The following DOK5 variants were observed in gnomAD, a reference collection of about 807,000 sequenced individuals.
DOK5 encodes the protein downstream of tyrosine kinase 5.
A neutral mutation model predicts 43.3 loss-of-function variants in DOK5; 27 were observed. The ratio of observed to expected loss-of-function variants is 0.62; its 90% confidence interval spans 0.46 to 0.86. The LOEUF is 0.86. Among genes scored for constraint, DOK5 ranks in the 40% least tolerant of loss-of-function variants. The probability of loss-of-function intolerance (pLI) is 0.00; values close to 1 mark genes in which losing one functional copy is unlikely to be tolerated. For missense variants in DOK5, 373 were observed against 392.9 expected (o/e 0.95, Z 0.43); for synonymous variants, 146 against 140.1 (o/e 1.04, Z -0.30).
intron 1 of DOK5, among the ~76,000 whole-genome samples, chr20:54,494,454 C>T (rs909766215): frequency 1.3e-5 from 2 of 152,146 alleles, no homozygotes; most frequent in African/African-American, 4.8e-5. Context: ...TCCCAGATCT[C>T]CATCCCTGTC....
chr20:54,637,877 C>A (rs1228396669), intron 6 of DOK5, among the ~76,000 whole-genome samples: 2 of 152,196 alleles, frequency 1.3e-5, no homozygotes, highest in African/African-American at 4.8e-5. Flanking sequence ...AATCCCAGCA[C>A]TTTGGGAGGC....
In DOK5 at chr20:54,618,843, C is replaced by T. The variant is rs115803135; in HGVS notation, c.735+8320C>T. On this transcript the variant is annotated intron_variant, in intron 6 of 7. Transcript: ENST00000262593. ...GACCAACCTGGGAAACATAGGGAGA[C>T]CCCATCTCTAGAAATATTTAAAAAT... 4.8e-3 allele frequency among the ~76,000 whole-genome samples: 732 copies of T among 151,316 alleles called. 10 individuals are homozygous for T. The highest frequency in any genetic ancestry group is 0.017 in the African/African-American group (702 of 41,264).
intron 1 of DOK5, among the ~76,000 whole-genome samples, chr20:54,549,211 T>C (rs1367133389): frequency 6.7e-6 from 1 of 149,436 alleles, no homozygotes; most frequent in Non-Finnish European, 1.5e-5. Context: ...AGAGCAAATT[T>C]GTCTGGTCCC....
rs76582031 is a variant in DOK5, at chr20:54,501,826, T to G, written c.66+25814T>G. On this transcript the variant is annotated intron_variant, in intron 1 of 7. Coordinates refer to ENST00000262593, the MANE Select transcript of DOK5 (RefSeq NM_018431.5). ...CATTAATAAATGCCACCAAATGATTTCAATGAACATTTTTAGTTCATTTGT... is the reference window on the plus strand; with the variant it reads ...CATTAATAAATGCCACCAAATGATTGCAATGAACATTTTTAGTTCATTTGT... Among the ~76,000 whole-genome samples the G allele has an allele frequency of 2.8e-3, 419 of 152,332 alleles. 13 individuals are homozygous for G. The East Asian group carries it at 0.05, about 18-fold the overall frequency.
chr20:54,607,894 AACAAAAC>A (rs1428396776), intron 5 of DOK5, among the ~76,000 whole-genome samples: 2 of 151,088 alleles, frequency 1.3e-5, no homozygotes, highest in African/African-American at 4.9e-5. Context: ...AACAAAACAA[AACAAAAC>A]AAAACAAAAC....
chr20:54,514,091 G>A (rs1401737056), intron 1 of DOK5, among the ~76,000 whole-genome samples: 2 of 152,172 alleles, frequency 1.3e-5, no homozygotes. Flanking sequence ...AGTGGTTTTG[G>A]ATTCTGATTT....
At chr20:54,490,193 C>T (rs751631906) in intron 1 of DOK5, among the ~76,000 whole-genome samples, 50 of 152,084 alleles carry the variant, frequency 3.3e-4, no homozygotes, top group Non-Finnish European at 6.6e-4. Context: ...TTAAAACACA[C>T]CTTCCTGGGA....
chr20:54,512,965 G>A (rs977656208), intron 1 of DOK5, among the ~76,000 whole-genome samples: 3 of 152,158 alleles, frequency 2.0e-5, no homozygotes, highest in Admixed American at 1.3e-4. Flanking sequence ...ACACTGCTGG[G>A]CATCTCACTG....
Position 54,550,226 on chromosome 20 carries a change from G to A in DOK5, c.67-4707G>A, listed in dbSNP as rs150679485. On this transcript the variant is annotated intron_variant, in intron 1 of 7. Coordinates refer to ENST00000262593, the MANE Select transcript of DOK5 (RefSeq NM_018431.5). ...CTGGAGAAGAATGTAGATGACATATGTTAGATTAGGCTGTAATTTTAAGAT... is the reference window on the plus strand; with the variant it reads ...CTGGAGAAGAATGTAGATGACATATATTAGATTAGGCTGTAATTTTAAGAT... 6.7e-5 allele frequency among the ~76,000 whole-genome samples: 10 copies of A among 149,308 alleles called. No individual in the cohort carries two copies. In the East Asian group the frequency reaches 2.0e-3, roughly 30 times the overall value.
chr20:54,502,957 T>C (rs1003001053), intron 1 of DOK5, among the ~76,000 whole-genome samples: 2 of 152,208 alleles, frequency 1.3e-5, no homozygotes, highest in African/African-American at 2.4e-5. Context: ...CAAGTTTCTA[T>C]GGCTATTGAA....
At chr20:54,502,323 C>A (rs1982639249) in intron 1 of DOK5, among the ~76,000 whole-genome samples, 1 of 152,012 alleles carries the variant, frequency 6.6e-6, no homozygotes, top group Non-Finnish European at 1.5e-5. Context: ...ATTCTTTGTA[C>A]CAGGAGATAA....
intron 1 of DOK5, 91 bp downstream of exon 1, chr20:54,476,103 G>C: frequency 6.3e-7 from 1 of 1,575,888 alleles, no homozygotes; most frequent in Non-Finnish European, 8.6e-7. Context: ...GAGAGTCCCC[G>C]GCCGCGCGCC....
At chr20:54,569,033 G>A (rs573165072) in intron 2 of DOK5, among the ~76,000 whole-genome samples, 212 of 147,480 alleles carry the variant, frequency 1.4e-3, no homozygotes, top group South Asian at 2.4e-3. Context: ...AGTCCCTGCC[G>A]TCAGAAAAAA....
intron 1 of DOK5, among the ~76,000 whole-genome samples, chr20:54,532,332 C>A (rs1161396990): frequency 6.6e-6 from 1 of 152,134 alleles, no homozygotes; most frequent in African/African-American, 2.4e-5. Flanking sequence ...AGGTTGTGTT[C>A]TTGACTTTAA....
At chr20:54,573,523 TA>T (rs541367959) in intron 2 of DOK5, among the ~76,000 whole-genome samples, 66 of 151,816 alleles carry the variant, frequency 4.3e-4, no homozygotes, top group Admixed American at 8.5e-4. Flanking sequence ...CCATCTCTAC[TA>T]AAAATACAAA....
At chr20:54,525,774 TG>T (rs1452886196) in intron 1 of DOK5, among the ~76,000 whole-genome samples, 1 of 152,218 alleles carries the variant, frequency 6.6e-6, no homozygotes, top group Non-Finnish European at 1.5e-5. Flanking sequence ...AAAAAATTTT[TG>T]TGGTTTTGCA....
chr20:54,635,672 C>T (rs1978790974), intron 6 of DOK5, among the ~76,000 whole-genome samples: 1 of 152,122 alleles, frequency 6.6e-6, no homozygotes. Context: ...ACATATAAAA[C>T]CAAGCTGTAG....
intron 5 of DOK5, among the ~76,000 whole-genome samples, chr20:54,597,016 A>C (rs1349495265): frequency 1.3e-5 from 2 of 152,252 alleles, no homozygotes; most frequent in African/African-American, 4.8e-5. Context: ...CACTTTACAC[A>C]AAGCTCACAG....
intron 6 of DOK5, among the ~76,000 whole-genome samples, chr20:54,616,894 A>G (rs980923877): frequency 7.1e-6 from 1 of 141,816 alleles, no homozygotes; most frequent in African/African-American, 2.7e-5. Context: ...TTCACCCACC[A>G]TTCTCCTGCC....
Sources: allele counts gnomAD v4.1 joint callset (sites outside exome capture counted in the v4.1 genomes callset), GRCh38; gene constraint gnomAD v4.1.1; transcripts MANE v1.5; gene names NCBI Gene and HGNC (gene_info 2026-07-23, HGNC 2026-07-21).